The following NUDT17 variants were observed in gnomAD, a reference collection of about 807,000 sequenced individuals.
NUDT17 encodes m7GpppN-mRNA hydrolase NUDT17.
NUDT17 carries 38 observed loss-of-function variants against 38.6 expected under a neutral mutation model. The ratio of observed to expected loss-of-function variants is 0.98; its 90% CI spans 0.76 to 1.29. The LOEUF is 1.29. Among genes scored for constraint, NUDT17 ranks in the 50% most tolerant of loss-of-function variants. NUDT17 has a pLI of 0.00. For synonymous variants in NUDT17, 192 were observed against 167.8 expected, an observed-to-expected ratio of 1.14 and a Z score of -1.11; for missense variants, 462 against 415.2, an observed-to-expected ratio of 1.11 and a Z score of -0.98.
chr1:145,848,107 T>C lies in NUDT17; in HGVS notation c.732-5T>C, dbSNP rs781858027. 1 of 1,613,158 alleles carries C rather than the reference T, an allele frequency of 6.2e-7. No homozygotes were observed. Among genetic ancestry groups the C allele is most frequent in the African/African-American group, 1.3e-5 (1 of 74,894 alleles). ...ACAGCCCCAACAGGAGTTGTCACCA[T>C]GCAGTGCAGTGGAACTAGAGGAGGA... is the stretch of plus-strand genomic sequence containing the variant. On this transcript the variant is annotated splice_region_variant and splice_polypyrimidine_tract_variant and intron_variant, in intron 6 of 7. Transcript: ENST00000334513.
chr1:145,846,803 C>A (rs1553732626), intron 4 of NUDT17, 113 bp downstream of exon 4: 11 of 777,718 alleles, frequency 1.4e-5, no homozygotes, highest in Non-Finnish European at 2.1e-5. Context: ...ATAACCCTCA[C>A]CCATGTCCCT....
At position 145,847,639 on chromosome 1, in the gene NUDT17, T is replaced by G; in HGVS notation, c.651T>G (p.Asp217Glu). The G allele has an allele frequency of 6.2e-7, 1 of 1,613,978 alleles. No individual in the cohort carries two copies. The highest frequency in any genetic ancestry group is 1.1e-5 in the South Asian group (1 of 91,066). Residue 217 changes from aspartate to glutamate, a missense_variant, in exon 6 of 8, where the codon GAT becomes GAG. By Grantham distance (45) the Asp-to-Glu change is conservative. Transcript: ENST00000334513. The part of the protein sequence containing the change: ...EVSALMWLTP[D>E]VAAAVAAAED... ...GCGCCCTTATGTGGCTGACACCAGA[T>G]GTAGCTGCTGCAGTGGCTGCCGCAG... is the stretch of plus-strand genomic sequence containing the variant.
intron 7 of NUDT17, 31 bp from the exon 8 acceptor site, chr1:145,848,346 A>G (rs782684826): frequency 5.6e-6 from 9 of 1,612,960 alleles, no homozygotes; most frequent in Non-Finnish European, 7.6e-6. Context: ...GAAAGCAGGA[A>G]AGGACAACCT....
chr1:145,845,985 C>T (rs1553732257), intron 1 of NUDT17, 28 bp from the exon 2 acceptor site: 1 of 1,580,856 alleles, frequency 6.3e-7, no homozygotes, highest in Non-Finnish European at 8.6e-7. Context: ...CTTCTGAAGC[C>T]TTAACCCAGC....
intron 3 of NUDT17, 26 bp from the exon 4 acceptor site, chr1:145,846,570 CCT>C: frequency 6.2e-7 from 1 of 1,609,482 alleles, no homozygotes; most frequent in Non-Finnish European, 8.5e-7. Flanking sequence ...GGCACTGGCC[CCT>C]CTGATGTGTC....
intron 2 of NUDT17, 76 bp downstream of exon 2, chr1:145,846,272 C>A: frequency 1.3e-6 from 2 of 1,502,670 alleles, no homozygotes; most frequent in South Asian, 1.2e-5. Context: ...TTTTCCCAGT[C>A]TCAGAAGGAT....
At position 145,846,191 on chromosome 1, in the gene NUDT17, C is replaced by T. The variant is rs1372263023; in HGVS notation, c.371C>T (p.Pro124Leu). ...AGCGTTTCCCCCAACCTCTGGGTACCCCCGGGTGAGTATTCTGGGGACAAG... is the reference window on the plus strand; with the variant it reads ...AGCGTTTCCCCCAACCTCTGGGTACTCCCGGGTGAGTATTCTGGGGACAAG... ...TLSVSPNLWV[P>L]PGGHVELEEE... The change falls in exon 2 of 8, where the codon CCC becomes CTC. Residue 124 changes from proline to leucine, a missense_variant. Coordinates refer to ENST00000334513, the MANE Select transcript of NUDT17 (RefSeq NM_001012758.3). 4 of 1,584,458 alleles carry T rather than the reference C, an allele frequency of 2.5e-6. No individual in the cohort carries two copies. In the African/African-American group the frequency reaches 4.0e-5, roughly 16 times the overall value.
intron 2 of NUDT17, 114 bp from the exon 3 acceptor site, chr1:145,846,319 A>G (rs782047825): frequency 6.8e-7 from 1 of 1,460,954 alleles, no homozygotes; most frequent in Non-Finnish European, 9.5e-7. Flanking sequence ...TCATAGTCAC[A>G]AGGGACTGCA....
At chr1:145,848,300 C>G (rs782803054) in intron 7 of NUDT17, 36 bp downstream of exon 7, 31 of 1,613,642 alleles carry the variant, frequency 1.9e-5, no homozygotes, top group Non-Finnish European at 2.6e-5. Context: ...CTCCACAGTA[C>G]TGGGCTGGAA....
Position 145,846,241 on chromosome 1 carries a change from G to A in NUDT17, c.376+45G>A, listed in dbSNP as rs782529992. ...GGCCCCAAGTACAGAGAAGAAATTTGCCCTTTCCCCGCAACAATGTTTTTC... is the reference window on the plus strand; with the variant it reads ...GGCCCCAAGTACAGAGAAGAAATTTACCCTTTCCCCGCAACAATGTTTTTC... On this transcript the variant is annotated intron_variant, in intron 2 of 7. Coordinates refer to ENST00000334513, the MANE Select transcript of NUDT17 (RefSeq NM_001012758.3). 2.6e-6 allele frequency: 4 copies of A among 1,541,648 alleles called. No individual in the cohort carries two copies. The South Asian group carries it at 4.7e-5, about 18-fold the overall frequency.
At chr1:145,846,714 C>T in intron 4 of NUDT17, 24 bp downstream of exon 4, 2 of 1,508,728 alleles carry the variant, frequency 1.3e-6, no homozygotes, top group Non-Finnish European at 1.8e-6. Context: ...CTGGGAGAAG[C>T]TCCTCCATAG....
intron 3 of NUDT17, 37 bp from the exon 4 acceptor site, chr1:145,846,561 G>A (rs782560101): frequency 1.9e-6 from 3 of 1,604,618 alleles, no homozygotes; most frequent in Admixed American, 1.7e-5. Context: ...GAAGAGTCAG[G>A]CACTGGCCCC....
Position 145,847,581 on chromosome 1 carries a change from A to G in NUDT17, c.595-2A>G. On this transcript the variant is annotated splice_acceptor_variant, in intron 5 of 7. Coordinates refer to ENST00000334513, the MANE Select transcript of NUDT17 (RefSeq NM_001012758.3). LOFTEE classifies it high-confidence loss of function. ...CTGAGGGGTCACCATGTCTGACCCC[A>G]GGCCCGGATCCAACCAAACCCAAAT... 5.0e-6 allele frequency: 8 copies of G among 1,612,940 alleles called. No homozygotes were observed. Among genetic ancestry groups the G allele is most frequent in the Non-Finnish European group, 6.8e-6 (8 of 1,179,978 alleles).
intron 3 of NUDT17, 58 bp from the exon 4 acceptor site, chr1:145,846,540 A>C: frequency 6.2e-7 from 1 of 1,603,090 alleles, no homozygotes; most frequent in South Asian, 1.1e-5. Context: ...AGAGGCAAGC[A>C]AAAGGACTTG....
chr1:145,845,866 G>A, intron 1 of NUDT17, 34 bp downstream of exon 1: 2 of 1,553,598 alleles, frequency 1.3e-6, no homozygotes, highest in Non-Finnish European at 1.7e-6. Flanking sequence ...CGGGGGCAGT[G>A]AAGGGCCAAA....
intron 5 of NUDT17, 109 bp from the exon 6 acceptor site, chr1:145,847,474 C>G (rs1188439849): frequency 4.0e-6 from 6 of 1,492,040 alleles, no homozygotes; most frequent in East Asian, 2.3e-5. Flanking sequence ...ATGCAATGCC[C>G]TTTCCCCTTG....
chr1:145,848,646 G>C lies in NUDT17; in HGVS notation c.*167G>C, dbSNP rs1285710462. ...AAGAAGATTGGGAAGGAGGGCACAGGGTCCTTCCACCTCCCTGGAAAGGTG... is the reference window on the plus strand; with the variant it reads ...AAGAAGATTGGGAAGGAGGGCACAGCGTCCTTCCACCTCCCTGGAAAGGTG... On this transcript the variant is annotated 3_prime_UTR_variant, in exon 8 of 8. Coordinates refer to ENST00000334513, the MANE Select transcript of NUDT17 (RefSeq NM_001012758.3). 1.7e-6 allele frequency: 1 copy of C among 603,642 alleles called. No individual in the cohort carries two copies. The highest frequency in any genetic ancestry group is 1.9e-5 in the African/African-American group (1 of 54,008). The allele number at this position is 603,642 out of a possible 1,614,324, so 37.4% of individuals were successfully genotyped here.
intron 2 of NUDT17, 50 bp from the exon 3 acceptor site, chr1:145,846,383 C>A: frequency 6.2e-7 from 1 of 1,611,472 alleles, no homozygotes; most frequent in Non-Finnish European, 8.5e-7. Flanking sequence ...AGTGGGGGCT[C>A]CCTGGCCAAG....
At chr1:145,847,375 CAG>C in intron 5 of NUDT17, 27 bp downstream of exon 5, 4 of 1,553,800 alleles carry the variant, frequency 2.6e-6, no homozygotes, top group Non-Finnish European at 3.5e-6. Flanking sequence ...GGGAAGGAAA[CAG>C]GGCTCAGGGG....
Sources: gnomAD v4.1 joint callset for allele counts on GRCh38, gnomAD v4.1.1 for gene constraint, MANE v1.5 for transcripts, NCBI Gene and HGNC (gene_info 2026-07-23, HGNC 2026-07-21) for gene names.